The following RNF180 variants were observed in gnomAD, a reference collection of about 807,000 sequenced individuals.
RNF180 encodes the protein ring finger protein 180.
In RNF180, 38 loss-of-function variants were observed where a neutral mutation model predicts 59.2. The observed-to-expected ratio is 0.64, with a 90% CI of 0.50 to 0.84. The LOEUF is 0.84. Ranked by LOEUF, RNF180 falls within the 40% of genes least tolerant of loss-of-function variation. The pLI is 0.00. For synonymous variants in RNF180, 262 were observed against 240.3 expected (o/e 1.09, Z -0.84); for missense variants, 705 against 700.9 (o/e 1.01, Z -0.07).
chr5:64,178,307 C>T (rs72769831), intron 1 of RNF180, among the ~76,000 whole-genome samples: 11,984 of 152,128 alleles, frequency 0.079, 645 homozygotes, highest in South Asian at 0.15. Flanking sequence ...CAGCCTCACG[C>T]TTTTCCAGTC....
intron 5 of RNF180, among the ~76,000 whole-genome samples, chr5:64,297,690 T>C (rs528389292): frequency 1.3e-5 from 2 of 152,072 alleles, no homozygotes; most frequent in African/African-American, 4.8e-5. Context: ...AAAAAAAGTT[T>C]CCAGTTTTTA....
chr5:64,219,656 A>G (rs554146530), intron 5 of RNF180, among the ~76,000 whole-genome samples: 1 of 150,678 alleles, frequency 6.6e-6, no homozygotes, highest in East Asian at 2.0e-4. Flanking sequence ...TGGGACTACA[A>G]GCGCACGCCA....
intron 1 of RNF180, among the ~76,000 whole-genome samples, chr5:64,175,958 T>TA (rs1214525174): frequency 1.3e-5 from 2 of 152,198 alleles, no homozygotes; most frequent in African/African-American, 4.8e-5. Context: ...TTTTGTATCT[T>TA]ACAACTTTAC....
chr5:64,260,780 T>C (rs1461941671), intron 5 of RNF180, among the ~76,000 whole-genome samples: 2 of 152,188 alleles, frequency 1.3e-5, no homozygotes, highest in Non-Finnish European at 2.9e-5. Flanking sequence ...AGTTTTCTCA[T>C]ATGTAAAATG....
chr5:64,210,026 ACTGT>A (rs1752224398), intron 2 of RNF180, among the ~76,000 whole-genome samples: 2 of 152,136 alleles, frequency 1.3e-5, no homozygotes, highest in Non-Finnish European at 2.9e-5. Flanking sequence ...TCATGACTGA[ACTGT>A]TATTGTAAAT....
At position 64,358,092 on chromosome 5, in the gene RNF180, T is replaced by C. The variant is rs536845673; in HGVS notation, c.1580-11523T>C. On this transcript the variant is annotated intron_variant, in intron 7 of 7. Coordinates refer to ENST00000389100, the MANE Select transcript of RNF180 (RefSeq NM_001113561.2). ...CAGTTTTATTAGTTACTTCATTGTT[T>C]TCAGTAAGAATTCATAGTGAGATTA... 1.0e-3 allele frequency among the ~76,000 whole-genome samples: 153 copies of C among 151,968 alleles called. 1 individual carries two copies. Among genetic ancestry groups the C allele is most frequent in the Non-Finnish European group, 1.1e-3 (76 of 67,880 alleles).
chr5:64,259,689 G>A (rs1382289409), intron 5 of RNF180, among the ~76,000 whole-genome samples: 2 of 152,104 alleles, frequency 1.3e-5, no homozygotes, highest in African/African-American at 2.4e-5. Flanking sequence ...TTGGGAGGCC[G>A]AGGTGGGTGG....
At chr5:64,311,732 G>T (rs150808951) in intron 5 of RNF180, among the ~76,000 whole-genome samples, 3 of 151,802 alleles carry the variant, frequency 2.0e-5, no homozygotes, top group Non-Finnish European at 2.9e-5. Context: ...CTTCAGTATC[G>T]ATTCCTACCA....
intron 5 of RNF180, among the ~76,000 whole-genome samples, chr5:64,242,882 A>T (rs1742884938): frequency 6.6e-6 from 1 of 152,188 alleles, no homozygotes; most frequent in African/African-American, 2.4e-5. Flanking sequence ...TTTCCAACTG[A>T]GTTACCCAGT....
chr5:64,222,409 G>A (rs956111952), intron 5 of RNF180, among the ~76,000 whole-genome samples: 2 of 152,102 alleles, frequency 1.3e-5, no homozygotes, highest in Non-Finnish European at 2.9e-5. Context: ...ACAACAAAAG[G>A]ATATAAACCA....
chr5:64,176,340 TGA>T (rs1249255566), intron 1 of RNF180, among the ~76,000 whole-genome samples: 1 of 152,140 alleles, frequency 6.6e-6, no homozygotes, highest in Non-Finnish European at 1.5e-5. Context: ...TAATTTTATT[TGA>T]GTCTCCTATC....
intron 5 of RNF180, among the ~76,000 whole-genome samples, chr5:64,236,634 G>A (rs779837124): frequency 1.3e-4 from 20 of 152,110 alleles, no homozygotes; most frequent in Non-Finnish European, 2.8e-4. Context: ...ATATCTCCAC[G>A]GCACGTCAGA....
chr5:64,353,462 A>G (rs1327195813), intron 7 of RNF180, among the ~76,000 whole-genome samples: 1 of 151,838 alleles, frequency 6.6e-6, no homozygotes, highest in Non-Finnish European at 1.5e-5. Flanking sequence ...TTTTTAATAG[A>G]AAAATTGCCT....
At chr5:64,363,723 G>A (rs966081540) in intron 7 of RNF180, among the ~76,000 whole-genome samples, 2 of 151,932 alleles carry the variant, frequency 1.3e-5, no homozygotes, top group African/African-American at 4.8e-5. Flanking sequence ...CCATCACATG[G>A]AATGTTTTTC....
intron 5 of RNF180, among the ~76,000 whole-genome samples, chr5:64,219,577 C>T (rs1006686624): frequency 5.9e-5 from 9 of 151,832 alleles, no homozygotes; most frequent in Non-Finnish European, 1.2e-4. Flanking sequence ...TGCAGTGGCG[C>T]GATCTCAGCT....
At chr5:64,293,366 A>G (rs1332436008) in intron 5 of RNF180, among the ~76,000 whole-genome samples, 1 of 151,276 alleles carries the variant, frequency 6.6e-6, no homozygotes, top group Non-Finnish European at 1.5e-5. Flanking sequence ...TTCACTCGCC[A>G]TTTTCATTCC....
chr5:64,193,177 T>C (rs539752886), intron 1 of RNF180, among the ~76,000 whole-genome samples: 94 of 151,920 alleles, frequency 6.2e-4, no homozygotes, highest in Non-Finnish European at 9.9e-4. Context: ...GTTTTAGGTA[T>C]GTAAGATGAA....
rs1441927651 is a variant in RNF180, at chr5:64,214,469, G to T, written c.1143G>T (p.Lys381Asn). 1 of 1,613,768 alleles carries T rather than the reference G, an allele frequency of 6.2e-7. No individual in the cohort carries two copies. Among genetic ancestry groups the T allele is most frequent in the African/African-American group, 1.3e-5 (1 of 74,894 alleles). Reference protein sequence around the residue: ...RLNKRERSKLKNLRRKQRRRE... With the variant: ...RLNKRERSKLNNLRRKQRRRE... ...ATAAGAGAGAAAGGAGCAAGTTGAA[G>T]AATCTAAGAAGGAAACAACGAAGGC... Residue 381 changes from lysine (K) to asparagine (N), a missense_variant, in exon 4 of 8, where the codon AAG becomes AAT. Coordinates refer to ENST00000389100, the MANE Select transcript of RNF180 (RefSeq NM_001113561.2).
intron 7 of RNF180, among the ~76,000 whole-genome samples, chr5:64,356,820 T>C (rs982127067): frequency 6.6e-6 from 1 of 151,808 alleles, no homozygotes; most frequent in Non-Finnish European, 1.5e-5. Context: ...TACCAGTGGC[T>C]GGGGAAAGGG....
Sources: gnomAD v4.1 joint callset for allele counts (sites outside exome capture counted in the v4.1 genomes callset) on GRCh38, gnomAD v4.1.1 for gene constraint, MANE v1.5 for transcripts, NCBI Gene and HGNC (gene_info 2026-07-23, HGNC 2026-07-21) for gene names.